Variants in RHBDF1 observed in about 807,000 individuals in gnomAD.
RHBDF1 encodes the protein rhomboid 5 homolog 1.
RHBDF1 carries 80 observed loss-of-function variants against 98.6 expected under a neutral mutation model. The ratio of observed to expected loss-of-function variants is 0.81; its 90% CI spans 0.68 to 0.98. The LOEUF (loss-of-function observed/expected upper bound fraction) is 0.98, where lower values mean the gene tolerates loss of function less well. Among genes scored for constraint, RHBDF1 ranks in the 50% least tolerant of loss-of-function variants. RHBDF1 has a pLI of 0.00. For synonymous variants in RHBDF1, 512 were observed against 486.8 expected (o/e 1.05, Z -0.68); for missense variants, 1,116 against 1,198.3 (o/e 0.93, Z 1.01).
chr16:63,039 G>T lies in RHBDF1; in HGVS notation c.606C>A (p.Leu202=). The T allele has an allele frequency of 6.2e-7, 1 of 1,612,966 alleles. No individual in the cohort carries two copies. The highest frequency in any genetic ancestry group is 8.5e-7 in the Non-Finnish European group (1 of 1,179,838). ...FSSSRSGFHR[L]PRRRKRESVA... ...CCGACTCTCGCTTGCGCCGCCGCGG[G>T]AGCCGGTGGAAACCTGAGCGGGAGC... Residue 202 remains leucine, a synonymous_variant, in exon 5 of 18, where the codon CTC becomes CTA. Coordinates refer to ENST00000262316, the MANE Select transcript of RHBDF1 (RefSeq NM_022450.5).
chr16:58,721 G>A lies in RHBDF1; in HGVS notation c.2187C>T (p.Cys729=), dbSNP rs1567111318. 1.9e-6 allele frequency: 3 copies of A among 1,612,726 alleles called. No individual in the cohort carries two copies. The highest frequency in any genetic ancestry group is 1.7e-6 in the Non-Finnish European group (2 of 1,179,850). Residue 729 remains cysteine, a synonymous_variant, in exon 18 of 18, where the codon TGC becomes TGT. Coordinates refer to ENST00000262316, the MANE Select transcript of RHBDF1 (RefSeq NM_022450.5). ...AGCTCTGGAAGAGCTCCACGAAGAGGCAGGCCAGGATGCCGAACTGGGAGC... is the reference window on the plus strand; with the variant it reads ...AGCTCTGGAAGAGCTCCACGAAGAGACAGGCCAGGATGCCGAACTGGGAGC... ...PAGSQFGILA[C]LFVELFQSWQ...
rs1332005547 is a variant in RHBDF1 at position 58,766 on chromosome 16, G to A, written c.2149-7C>T. ...GGGAGCCAGCAGGACCCACCTGGGGGATGGTTGGGGTAGCTGTAAGGCAGT... is the reference window on the plus strand; with the variant it reads ...GGGAGCCAGCAGGACCCACCTGGGGAATGGTTGGGGTAGCTGTAAGGCAGT... On this transcript the variant is annotated splice_region_variant and splice_polypyrimidine_tract_variant and intron_variant, in intron 17 of 17. Coordinates refer to ENST00000262316, the MANE Select transcript of RHBDF1 (RefSeq NM_022450.5). 6.2e-7 allele frequency: 1 copy of A among 1,610,978 alleles called. No homozygotes were observed. The highest frequency in any genetic ancestry group is 1.3e-5 in the African/African-American group (1 of 74,904).
In RHBDF1 at chr16:72,580, G is replaced by GA. The variant is rs1430775113; in HGVS notation, c.-93_-92insT. On this transcript the variant is annotated 5_prime_UTR_variant, in exon 1 of 18. Coordinates refer to ENST00000262316, the MANE Select transcript of RHBDF1 (RefSeq NM_022450.5). ...AGGAGGCTGCCGCCGCTGGCCGGGAGGGCCCGCGCCGAGTCCCCGCCCGCC... is the reference window on the plus strand; with the variant it reads ...AGGAGGCTGCCGCCGCTGGCCGGGAGAGGCCCGCGCCGAGTCCCCGCCCGCC... The GA allele has an allele frequency of 5.7e-5, 47 of 830,682 alleles. No individual in the cohort carries two copies. The highest frequency in any genetic ancestry group is 1.3e-4 in the African/African-American group (2 of 15,754). 51.5% of individuals were successfully genotyped at this position (830,682 alleles called of 1,614,324 possible).
In RHBDF1 at chr16:62,867, G is replaced by A. The variant is rs148624788; in HGVS notation, c.703C>T (p.Arg235Trp). The change falls in exon 6 of 18, where the codon CGG (arginine) becomes TGG (tryptophan). Residue 235 changes from arginine (R) to tryptophan (W), a missense_variant. Transcript: ENST00000262316. ...GRSVRDGTFR[R>W]AQRRSFTPAS... ...GGAGTGAAGCTTCGACGCTGTGCCCGGCGAAAGGTGCCATCCCTAACGGAG... is the reference window on the plus strand; with the variant it reads ...GGAGTGAAGCTTCGACGCTGTGCCCAGCGAAAGGTGCCATCCCTAACGGAG... The A allele has an allele frequency of 7.3e-5, 118 of 1,613,804 alleles. 1 individual carries two copies. The Admixed American group carries it at 1.4e-3, about 19-fold the overall frequency.
chr16:70,196 G>T (rs1897935780), intron 1 of RHBDF1, among the ~76,000 whole-genome samples: 1 of 152,220 alleles, frequency 6.6e-6, no homozygotes, highest in African/African-American at 2.4e-5. Context: ...ATGGCAGCAA[G>T]GACTTAGCTA....
upstream of RHBDF1, chr16:74,027 A>C: frequency 5.3e-6 from 4 of 756,296 alleles, no homozygotes; most frequent in Non-Finnish European, 6.4e-6. Context: ...AAGCAATATC[A>C]ACACAATTCT....
At chr16:62,147 G>A (rs1897656948) in intron 7 of RHBDF1, 95 bp from the exon 8 acceptor site, 2 of 1,414,190 alleles carry the variant, frequency 1.4e-6, no homozygotes, top group South Asian at 1.5e-5. Flanking sequence ...CTATCCTGGC[G>A]AATATACTGC....
chr16:75,119 G>A (rs1898060001), upstream of RHBDF1, among the ~76,000 whole-genome samples: 1 of 152,186 alleles, frequency 6.6e-6, no homozygotes, highest in African/African-American at 2.4e-5. Flanking sequence ...TCCTGGTGGA[G>A]GAGCCCCCTA....
Position 62,677 on chromosome 16 carries a change from C to T in RHBDF1, c.814G>A (p.Glu272Lys), listed in dbSNP as rs1897682118. ...FFAREGILHE[E>K]LSTYPDEVFE... ...ACTTCATCCGGGTATGTGGACAGCT[C>T]TTCATGGAGGATACCTTCCTGAGCA... The change falls in exon 7 of 18, where the codon GAG (glutamate) becomes AAG (lysine). Residue 272 changes from glutamate (E) to lysine (K), a missense_variant. By Grantham distance (56) the Glu-to-Lys change is moderately conservative. Transcript: ENST00000262316. The T allele has an allele frequency of 6.2e-7, 1 of 1,614,176 alleles. No individual in the cohort carries two copies. Among genetic ancestry groups the T allele is most frequent in the Non-Finnish European group, 8.5e-7 (1 of 1,180,046 alleles).
Position 59,731 on chromosome 16 carries a change from C to A in RHBDF1, c.1817+1G>T. 6.2e-7 allele frequency: 1 copy of A among 1,614,064 alleles called. No homozygotes were observed. Among genetic ancestry groups the A allele is most frequent in the Non-Finnish European group, 8.5e-7 (1 of 1,180,000 alleles). ...CTGCACTCGCTGGCACGCACACGTA[C>A]CTGCCCTTGGTGCCAATGCAGCAGG... On this transcript the variant is annotated splice_donor_variant, in intron 14 of 17. Transcript: ENST00000262316. LOFTEE classifies it high-confidence loss of function.
At position 61,986 on chromosome 16, in the gene RHBDF1, G is replaced by A. The variant is rs1228972688; in HGVS notation, c.1020C>T (p.Leu340=). The A allele has an allele frequency of 1.5e-5, 24 of 1,579,502 alleles. No individual in the cohort carries two copies. Among genetic ancestry groups the A allele is most frequent in the Non-Finnish European group, 1.9e-5 (22 of 1,169,994 alleles). ...CCGCGGTGCTCACCACCTCCTGTCG[G>A]AGCCGCACCTTGGGCTGCGGGGCTG... is the stretch of plus-strand genomic sequence containing the variant. ...GAAAPQPKVR[L]RQEVVSTAGP... is the part of the protein sequence containing the mutation. The change falls in exon 8 of 18, where the codon CTC becomes CTT. Residue 340 remains leucine (L), a synonymous_variant. Coordinates refer to ENST00000262316, the MANE Select transcript of RHBDF1 (RefSeq NM_022450.5).
At chr16:63,213 G>A (rs1255931238) in intron 4 of RHBDF1, 31 bp from the exon 5 acceptor site, 1 of 1,515,268 alleles carries the variant, frequency 6.6e-7, no homozygotes, top group Non-Finnish European at 8.9e-7. Flanking sequence ...CTGGAGTCAG[G>A]ACCATGGGGG....
rs199611485 is a variant in RHBDF1, at chr16:58,643, C to A, written c.2265G>T (p.Val755=). Residue 755 remains valine (V), a synonymous_variant, in exon 18 of 18, where the codon GTG becomes GTT. Coordinates refer to ENST00000262316, the MANE Select transcript of RHBDF1 (RefSeq NM_022450.5). ...GCAGCCCAAAGGTGAAGAGGAAGAGCACCACAGCCAGCAGCTTGAAGAAGG... is the reference window on the plus strand; with the variant it reads ...GCAGCCCAAAGGTGAAGAGGAAGAGAACCACAGCCAGCAGCTTGAAGAAGG... ...WRAFFKLLAV[V]LFLFTFGLLP... 1.1e-4 allele frequency: 173 copies of A among 1,613,324 alleles called. No individual in the cohort carries two copies. Among genetic ancestry groups the A allele is most frequent in the Middle Eastern group, 1.6e-4 (1 of 6,080 alleles).
rs1596478412 is a variant in RHBDF1 at position 72,528 on chromosome 16, C to T, written c.-40G>A. The T allele has an allele frequency of 1.2e-6, 1 of 831,122 alleles. No individual in the cohort carries two copies. The allele number at this position is 831,122 out of a possible 1,614,324, so 51.5% of individuals were successfully genotyped here. On this transcript the variant is annotated 5_prime_UTR_variant, in exon 1 of 18. Transcript: ENST00000262316. ...GCTCACTCACTGCCGCCGCCGGGGGCTCTGGGGGGTCCTGAGGGCGCCGGG... is the reference window on the plus strand; with the variant it reads ...GCTCACTCACTGCCGCCGCCGGGGGTTCTGGGGGGTCCTGAGGGCGCCGGG...
chr16:64,598 A>T (rs1254324277), intron 3 of RHBDF1, 101 bp downstream of exon 3: 2 of 1,540,788 alleles, frequency 1.3e-6, no homozygotes, highest in East Asian at 4.5e-5. Context: ...AGGAAGCTGA[A>T]ACAAGAGGGC....
In RHBDF1 at chr16:66,925, G is replaced by A. The variant is rs143627766; in HGVS notation, c.-24-1886C>T. Among the ~76,000 whole-genome samples, 89 of 152,310 alleles carry A rather than the reference G, an allele frequency of 5.8e-4. 1 individual carries two copies. Among genetic ancestry groups the A allele is most frequent in the African/African-American group, 2.0e-3 (82 of 41,564 alleles). On this transcript the variant is annotated intron_variant, in intron 1 of 17. Transcript: ENST00000262316. ...CTAACTGAGAACTGGGTGGGTCAAG[G>A]TCCCTCTGGGAACTGCACCAGGAGA...
At chr16:74,676 A>C (rs1431443978), upstream of RHBDF1, 1 of 152,042 alleles carries the variant, frequency 6.6e-6, no homozygotes, top group Non-Finnish European at 1.5e-5. Flanking sequence ...CAGGCCTCTG[A>C]GCCCAAGCCT....
chr16:60,087 G>T, intron 13 of RHBDF1, 129 bp downstream of exon 13: 1 of 1,539,316 alleles, frequency 6.5e-7, no homozygotes. Flanking sequence ...ACAAAGGGCA[G>T]GTGCACAGCC....
chr16:60,651 G>T, intron 11 of RHBDF1, 112 bp from the exon 12 acceptor site: 1 of 709,030 alleles, frequency 1.4e-6, no homozygotes, highest in Non-Finnish European at 2.4e-6. Context: ...GCTTCTACAA[G>T]TCACCCCCAC....
Sources: allele counts gnomAD v4.1 joint callset (sites outside exome capture counted in the v4.1 genomes callset), GRCh38; gene constraint gnomAD v4.1.1; transcripts MANE v1.5; gene names NCBI Gene and HGNC (gene_info 2026-07-23, HGNC 2026-07-21).